PSD3: variants seen among roughly 807,000 people sequenced by gnomAD.
PSD3 encodes the protein PH and SEC7 domain-containing protein 3.
In PSD3, 49 loss-of-function variants were observed where a neutral mutation model predicts 105.5. That is an observed-to-expected ratio of 0.46 (90% CI 0.37 to 0.59). PSD3 has a LOEUF of 0.59. Among genes scored for constraint, PSD3 ranks in the 20% least tolerant of loss-of-function variants. The pLI, the probability that PSD3 is intolerant of heterozygous loss-of-function variation, is 0.00. For synonymous variants in PSD3, 557 were observed against 457.8 expected (o/e 1.22, Z -2.77); for missense variants, 1,561 against 1,263.8 (o/e 1.24, Z -3.57).
At chr8:18,950,804 T>C (rs1823189733) in intron 1 of PSD3, among the ~76,000 whole-genome samples, 1 of 152,176 alleles carries the variant, frequency 6.6e-6, no homozygotes, top group Non-Finnish European at 1.5e-5. Context: ...GGTTGTTCCC[T>C]GGTGCCTTGA....
In PSD3 at chr8:18,541,148, A is replaced by G. The variant is rs534535412; in HGVS notation, c.2929-5190T>C. Among the ~76,000 whole-genome samples, 556 of 114,442 alleles carry G rather than the reference A, an allele frequency of 4.9e-3. 3 individuals carry two copies. Among genetic ancestry groups the G allele is most frequent in the African/African-American group, 0.015 (531 of 36,544 alleles). The allele number at this position is 114,442 out of a possible 152,430, so 75.1% of individuals were successfully genotyped here. A position where few individuals can be genotyped will look rare whatever the true frequency, so the allele number is the denominator to read the frequency against. ...ACTTCTCCCCATCTGTCAGCCTTAT[A>G]TTTTACTTGAAAAAAAAAAAAAAAC... is the stretch of plus-strand genomic sequence containing the variant. On this transcript the variant is annotated intron_variant, in intron 15 of 15. Coordinates refer to ENST00000327040, the MANE Select transcript of PSD3 (RefSeq NM_015310.4).
chr8:19,003,581 G>C (rs1826511699), intron 1 of PSD3, among the ~76,000 whole-genome samples: 2 of 151,920 alleles, frequency 1.3e-5, no homozygotes, highest in Non-Finnish European at 2.9e-5. Context: ...GACTATGGGA[G>C]GCCTCCAGAG....
At chr8:18,986,947 G>A (rs1356671133) in intron 1 of PSD3, among the ~76,000 whole-genome samples, 4 of 152,050 alleles carry the variant, frequency 2.6e-5, no homozygotes, top group East Asian at 1.9e-4. Context: ...TTAATGGAAC[G>A]CTAAGCTTGT....
At chr8:18,600,760 A>G (rs1023513469) in intron 11 of PSD3, among the ~76,000 whole-genome samples, 1 of 152,194 alleles carries the variant, frequency 6.6e-6, no homozygotes, top group Non-Finnish European at 1.5e-5. Flanking sequence ...ATGGCTGACA[A>G]CAGACTGGGT....
In PSD3 at chr8:18,697,237, C is replaced by T. The variant is rs190821692; in HGVS notation, c.2173-41552G>A. Among the ~76,000 whole-genome samples the T allele has an allele frequency of 3.6e-3, 549 of 152,210 alleles. 11 individuals are homozygous for T. Among genetic ancestry groups the T allele is most frequent in the Admixed American group, 0.03 (459 of 15,284 alleles). On this transcript the variant is annotated intron_variant, in intron 9 of 15. Coordinates refer to ENST00000327040, the MANE Select transcript of PSD3 (RefSeq NM_015310.4). Reference sequence around the variant, plus strand: ...TAGCCAGGTATTAACTGCTCGACAGCGACATGGGGTGAGTGGCGACAATAC... The same window carrying T: ...TAGCCAGGTATTAACTGCTCGACAGTGACATGGGGTGAGTGGCGACAATAC...
intron 1 of PSD3, among the ~76,000 whole-genome samples, chr8:19,043,970 C>A (rs1470127156): frequency 1.3e-5 from 2 of 152,200 alleles, no homozygotes; most frequent in African/African-American, 4.8e-5. Context: ...AGCTGCTGAG[C>A]AGCAATCCCA....
intron 1 of PSD3, among the ~76,000 whole-genome samples, chr8:18,966,566 C>T (rs866434620): frequency 2.1e-4 from 15 of 69,926 alleles, no homozygotes; most frequent in Admixed American, 3.2e-4. Flanking sequence ...GAGAGACTGT[C>T]TTAAAAAAAA....
At chr8:18,793,746 A>T (rs78680425) in intron 8 of PSD3, among the ~76,000 whole-genome samples, 1,603 of 152,314 alleles carry the variant, frequency 0.011, 24 homozygotes, top group African/African-American at 0.035. Flanking sequence ...AAGCACAGAC[A>T]GAAGAGGTAT....
intron 2 of PSD3, among the ~76,000 whole-genome samples, chr8:18,880,861 G>C (rs1260113654): frequency 6.6e-6 from 1 of 152,146 alleles, no homozygotes; most frequent in Non-Finnish European, 1.5e-5. Flanking sequence ...AAGAACTTTA[G>C]CACTTACCTA....
intron 1 of PSD3, among the ~76,000 whole-genome samples, chr8:18,943,970 C>G (rs1822709928): frequency 6.6e-6 from 1 of 152,034 alleles, no homozygotes. Context: ...TAAGTCACGA[C>G]TCTATTAGTA....
chr8:18,800,681 AATATGC>A (rs549538986), intron 7 of PSD3, among the ~76,000 whole-genome samples: 328 of 152,362 alleles, frequency 2.2e-3, no homozygotes, highest in African/African-American at 7.3e-3. Context: ...AAAATAGTGT[AATATGC>A]ATAACCTCAT....
chr8:18,750,247 T>A (rs1350761620), intron 9 of PSD3, among the ~76,000 whole-genome samples: 3 of 152,176 alleles, frequency 2.0e-5, no homozygotes, highest in Admixed American at 6.5e-5. Flanking sequence ...TCGCGGTGAG[T>A]GCTACAGCTC....
At chr8:18,847,554 A>T (rs1390524845) in intron 4 of PSD3, among the ~76,000 whole-genome samples, 3 of 152,214 alleles carry the variant, frequency 2.0e-5, no homozygotes, top group Non-Finnish European at 4.4e-5. Flanking sequence ...AACTGGTCAC[A>T]AATAACTAAT....
At chr8:19,019,163 C>G (rs577504015) in intron 1 of PSD3, among the ~76,000 whole-genome samples, 1 of 151,124 alleles carries the variant, frequency 6.6e-6, no homozygotes, top group African/African-American at 2.4e-5. Flanking sequence ...AAATGCCAAG[C>G]AAAAAAAACA....
rs555503247 is a variant in PSD3 at position 19,071,577 on chromosome 8, G to A, written c.324+12629C>T. ...TTGGCTTGAGCCTGGAAAGCGGGGA[G>A]AAAGACAACCCTGATGAACCCGGGG... On this transcript the variant is annotated intron_variant, in intron 1 of 1. Transcript: ENST00000521475. 1.6e-4 allele frequency among the ~76,000 whole-genome samples: 25 copies of A among 152,320 alleles called. No individual in the cohort carries two copies. In the South Asian group the frequency reaches 5.2e-3, roughly 32 times the overall value.
intron 1 of PSD3, among the ~76,000 whole-genome samples, chr8:18,995,604 G>T (rs2129473864): frequency 6.6e-6 from 1 of 152,078 alleles, no homozygotes; most frequent in East Asian, 1.9e-4. Context: ...TTCTCAGGCT[G>T]CTATTAAAGA....
intron 9 of PSD3, among the ~76,000 whole-genome samples, chr8:18,760,213 TTAAA>T (rs1301638478): frequency 6.6e-6 from 1 of 152,166 alleles, no homozygotes; most frequent in East Asian, 1.9e-4. Context: ...TGTACAATGA[TTAAA>T]TAAAGCTAAT....
chr8:18,931,412 C>T (rs1411972525), intron 2 of PSD3, among the ~76,000 whole-genome samples: 1 of 152,112 alleles, frequency 6.6e-6, no homozygotes, highest in Non-Finnish European at 1.5e-5. Flanking sequence ...ACATCTAAGT[C>T]CAGCAAGCAC....
intron 2 of PSD3, among the ~76,000 whole-genome samples, chr8:18,917,621 C>T (rs1197221475): frequency 6.6e-6 from 1 of 152,144 alleles, no homozygotes; most frequent in South Asian, 2.1e-4. Context: ...TTCCAAGAAC[C>T]TATCAAGGAT....
Sources: gnomAD v4.1 joint callset for allele counts (sites outside exome capture counted in the v4.1 genomes callset) on GRCh38, gnomAD v4.1.1 for gene constraint, MANE v1.5 for transcripts, NCBI Gene and HGNC (gene_info 2026-07-23, HGNC 2026-07-21) for gene names.